MYBPHL: variants seen among roughly 807,000 people sequenced by gnomAD.
MYBPHL encodes myosin-binding protein H-like.
MYBPHL carries 32 observed loss-of-function variants against 39.5 expected under a neutral mutation model. That is an observed-to-expected ratio of 0.81 (90% CI 0.61 to 1.09). The LOEUF (loss-of-function observed/expected upper bound fraction) is 1.09, where lower values mean the gene tolerates loss of function less well. MYBPHL is among the 50% of genes least tolerant of loss of function. MYBPHL has a pLI of 0.00. For synonymous variants in MYBPHL, 196 were observed against 183.7 expected, an observed-to-expected ratio of 1.07 and a Z score of -0.54; for missense variants, 456 against 460.2, an observed-to-expected ratio of 0.99 and a Z score of 0.08.
intron 1 of MYBPHL, among the ~76,000 whole-genome samples, chr1:109,299,095 C>G (rs1291403705): frequency 1.3e-5 from 2 of 152,252 alleles, no homozygotes; most frequent in Non-Finnish European, 2.9e-5. Flanking sequence ...GCTGCCGAAG[C>G]ACAAACATTC....
intron 2 of MYBPHL, 67 bp from the exon 3 acceptor site, chr1:109,297,684 G>A (rs1658133452): frequency 2.1e-6 from 3 of 1,437,774 alleles, no homozygotes; most frequent in African/African-American, 1.4e-5. Context: ...CTGCTGTAGG[G>A]GTCCTGTCCA....
rs201124842 is a variant in MYBPHL at position 109,296,952 on chromosome 1, C to T, written c.571-10G>A. The T allele has an allele frequency of 1.2e-4, 186 of 1,614,024 alleles. No homozygotes were observed. In the East Asian group the frequency reaches 1.4e-3, roughly 12 times the overall value. On this transcript the variant is annotated splice_polypyrimidine_tract_variant and intron_variant, in intron 4 of 8. Coordinates refer to ENST00000357155, the MANE Select transcript of MYBPHL (RefSeq NM_001010985.3). The stretch of plus-strand genomic sequence containing the variant: ...GCACCGTGAACCACAGCTGCGGGGC[C>T]GAACATGATGCCAGAAATCAGCCAC...
intron 1 of MYBPHL, among the ~76,000 whole-genome samples, chr1:109,301,947 C>G (rs1029301432): frequency 6.6e-6 from 1 of 152,118 alleles, no homozygotes; most frequent in Non-Finnish European, 1.5e-5. Flanking sequence ...CTGTATAGTT[C>G]AGACCGATGT....
Position 109,296,215 on chromosome 1 carries a change from C to A in MYBPHL, c.867+19G>T. On this transcript the variant is annotated intron_variant, in intron 6 of 8. Coordinates refer to ENST00000357155, the MANE Select transcript of MYBPHL (RefSeq NM_001010985.3). The stretch of plus-strand genomic sequence containing the variant: ...ACAAGAAGCAGCTCAGCACAGTGCC[C>A]CCCAGAGCCCCCACTCACCCGGGGA... 3 of 1,611,902 alleles carry A rather than the reference C, an allele frequency of 1.9e-6. No homozygotes were observed. Among genetic ancestry groups the A allele is most frequent in the Non-Finnish European group, 2.5e-6 (3 of 1,179,468 alleles).
intron 7 of MYBPHL, 66 bp from the exon 8 acceptor site, chr1:109,294,315 G>T (rs983904919): frequency 2.1e-6 from 3 of 1,459,992 alleles, no homozygotes; most frequent in Non-Finnish European, 2.9e-6. Flanking sequence ...TTCTTTCAGA[G>T]CATTAGAAAG....
At chr1:109,294,126 T>G in intron 8 of MYBPHL, 80 bp downstream of exon 8, 4 of 938,856 alleles carry the variant, frequency 4.3e-6, no homozygotes, top group Non-Finnish European at 5.3e-6. Context: ...GGCTCAGGAA[T>G]GCACCTCTGT....
chr1:109,297,339 C>T (rs760755410), intron 3 of MYBPHL, 83 bp downstream of exon 3: 22 of 1,556,074 alleles, frequency 1.4e-5, no homozygotes, highest in Non-Finnish European at 1.9e-5. Flanking sequence ...GCCGCAGCTT[C>T]CCCAGCTCTC....
Position 109,297,409 on chromosome 1 carries a change from T to C in MYBPHL, c.430+13A>G. On this transcript the variant is annotated intron_variant, in intron 3 of 8. Transcript: ENST00000357155. The stretch of plus-strand genomic sequence containing the variant: ...CCTGAGGACCCCCCCATCTCCCACT[T>C]CCCCCACCGTACCAATCACCAGGAT... 6.2e-7 allele frequency: 1 copy of C among 1,605,948 alleles called. No homozygotes were observed. Among genetic ancestry groups the C allele is most frequent in the South Asian group, 1.1e-5 (1 of 90,420 alleles).
Position 109,295,268 on chromosome 1 carries a change from C to T in MYBPHL, c.897G>A (p.Met299Ile), listed in dbSNP as rs772378066. Residue 299 changes from methionine to isoleucine, a missense_variant, in exon 7 of 9, where the codon ATG becomes ATA. Met to Ile is a conservative substitution (Grantham distance 10). Coordinates refer to ENST00000357155, the MANE Select transcript of MYBPHL (RefSeq NM_001010985.3). The part of the protein sequence containing the change: ...RPKIIWLKNK[M>I]DIQGNPKYRA... ...TGTACTTAGGGTTGCCTTGGATATC[C>T]ATCTTGTTCTTCAGCCAGATGATCT... 1 of 1,614,020 alleles carries T rather than the reference C, an allele frequency of 6.2e-7. No individual in the cohort carries two copies. The highest frequency in any genetic ancestry group is 8.5e-7 in the Non-Finnish European group (1 of 1,179,940).
intron 3 of MYBPHL, 31 bp downstream of exon 3, chr1:109,297,391 A>T: frequency 7.5e-6 from 12 of 1,591,906 alleles, no homozygotes; most frequent in Non-Finnish European, 1.0e-5. Flanking sequence ...GTTCCTGAGG[A>T]CCCCCCCATC....
Position 109,294,239 on chromosome 1 carries a change from T to G in MYBPHL, c.1065A>C (p.Ter355CysextTer28). The G allele has an allele frequency of 6.2e-7, 1 of 1,609,542 alleles. No homozygotes were observed. Among genetic ancestry groups the G allele is most frequent in the Non-Finnish European group, 8.5e-7 (1 of 1,175,696 alleles). ...DCRVDVKVPN[*>C] ...GAGTACCATGCCTTCTTAGGTGTCC[T>G]CAATTAGGAACTGTAATAATTCGGA... Residue 355 changes from the stop codon to cysteine, a stop_lost, in exon 8 of 9, where the codon TGA (stop) becomes TGC (cysteine). Transcript: ENST00000357155.
At chr1:109,293,879 C>A (rs1470437022) in intron 8 of MYBPHL, among the ~76,000 whole-genome samples, 1 of 151,994 alleles carries the variant, frequency 6.6e-6, no homozygotes, top group Non-Finnish European at 1.5e-5. Flanking sequence ...GCCTGGCCAA[C>A]ATGGTGAAAC....
rs57771400 is a variant in MYBPHL, at chr1:109,301,747, GAA to G, written c.146-3492_146-3491del. The stretch of plus-strand genomic sequence containing the variant: ...TAAGAACAAAACTTCATCTCAAAAA[GAA>G]AAAAAAAAAAAGAGAGAAAACTACT... On this transcript the variant is annotated intron_variant, in intron 1 of 8. Transcript: ENST00000357155. Among the ~76,000 whole-genome samples the G allele has an allele frequency of 7.1e-4, 99 of 138,466 alleles. 1 individual carries two copies. The highest frequency in any genetic ancestry group is 4.2e-4 in the Admixed American group (6 of 14,252). The allele number at this position is 138,466 out of a possible 152,430, so 90.8% of individuals were successfully genotyped here.
At chr1:109,293,730 ACT>A (rs1657947031) in intron 8 of MYBPHL, among the ~76,000 whole-genome samples, 1 of 132,624 alleles carries the variant, frequency 7.5e-6, no homozygotes, top group Non-Finnish European at 1.6e-5. Context: ...ACAAAGCGAG[ACT>A]CTGTCTCAAA....
intron 1 of MYBPHL, among the ~76,000 whole-genome samples, chr1:109,299,635 T>C (rs1460158256): frequency 6.6e-6 from 1 of 152,246 alleles, no homozygotes; most frequent in Admixed American, 6.5e-5. Flanking sequence ...CCGTTTGGTT[T>C]CTGCAGTTTC....
intron 7 of MYBPHL, 63 bp from the exon 8 acceptor site, chr1:109,294,312 A>G: frequency 6.7e-7 from 1 of 1,492,620 alleles, no homozygotes; most frequent in Non-Finnish European, 9.3e-7. Flanking sequence ...ACTTTCTTTC[A>G]GAGCATTAGA....
intron 1 of MYBPHL, among the ~76,000 whole-genome samples, chr1:109,304,440 GCT>G (rs911760474): frequency 1.1e-4 from 17 of 152,204 alleles, no homozygotes; most frequent in African/African-American, 3.9e-4. Flanking sequence ...CAGCAGATGG[GCT>G]CTTTCTCCTC....
intron 3 of MYBPHL, 46 bp downstream of exon 3, chr1:109,297,376 A>G (rs746009074): frequency 4.4e-6 from 7 of 1,581,794 alleles, no homozygotes; most frequent in Non-Finnish European, 6.0e-6. Flanking sequence ...CAGCCTGGAG[A>G]GGGAGTTCCT....
At chr1:109,299,302 CT>C (rs1192902050) in intron 1 of MYBPHL, among the ~76,000 whole-genome samples, 19 of 152,344 alleles carry the variant, frequency 1.2e-4, no homozygotes, top group African/African-American at 4.6e-4. Context: ...AACTTCACCC[CT>C]GGTACATTCC....
Sources: allele counts gnomAD v4.1 joint callset (sites outside exome capture counted in the v4.1 genomes callset), GRCh38; gene constraint gnomAD v4.1.1; transcripts MANE v1.5; gene names NCBI Gene and HGNC (gene_info 2026-07-23, HGNC 2026-07-21).